The following SYNE2 variants were observed in gnomAD, a reference collection of about 807,000 sequenced individuals.
SYNE2 encodes nesprin-2.
In SYNE2, 431 loss-of-function variants were observed where a neutral mutation model predicts 856.3. The observed-to-expected ratio is 0.50, with a 90% confidence interval of 0.47 to 0.55. The LOEUF (loss-of-function observed/expected upper bound fraction) is 0.55, where lower values mean the gene tolerates loss of function less well. Among genes scored for constraint, SYNE2 ranks in the 20% least tolerant of loss-of-function variants. The pLI, the probability that SYNE2 is intolerant of heterozygous loss-of-function variation, is 0.00. For synonymous variants in SYNE2, 2,923 were observed against 2,872.3 expected (o/e 1.02, Z -0.56); for missense variants, 8,129 against 8,023.2 (o/e 1.01, Z -0.50).
intron 61 of SYNE2, chr14:64,094,906 G>T (rs1329640051): frequency 6.0e-6 from 1 of 167,434 alleles, no homozygotes; most frequent in African/African-American, 2.4e-5. Context: ...TAGAGATGAG[G>T]TCTCACTGTG....
intron 2 of SYNE2, among the ~76,000 whole-genome samples, chr14:63,929,139 G>T (rs2095710991): frequency 2.0e-5 from 3 of 152,108 alleles, no homozygotes; most frequent in Admixed American, 2.0e-4. Context: ...TGGGCTCCTA[G>T]ATAGCTTCAG....
At chr14:64,110,306 A>G (rs893722802) in intron 65 of SYNE2, among the ~76,000 whole-genome samples, 2 of 152,140 alleles carry the variant, frequency 1.3e-5, no homozygotes, top group Admixed American at 6.5e-5. Flanking sequence ...GATTACTTAG[A>G]TCAGTGTTGT....
intron 6 of SYNE2, among the ~76,000 whole-genome samples, chr14:63,948,146 TACACACACAG>T (rs1159104296): frequency 8.4e-6 from 1 of 119,738 alleles, no homozygotes; most frequent in African/African-American, 3.4e-5. Flanking sequence ...TGCGCGCACA[TACACACACAG>T]ACACACACAT....
chr14:63,793,896 G>C (rs906777475), intron 1 of SYNE2, among the ~76,000 whole-genome samples: 1 of 151,626 alleles, frequency 6.6e-6, no homozygotes. Flanking sequence ...CCATGATCAT[G>C]CCACTGCACT....
Position 64,163,649 on chromosome 14 carries a change from C to A in SYNE2, c.16479+68C>A, listed in dbSNP as rs181893669. 1.4e-4 allele frequency: 225 copies of A among 1,585,614 alleles called. 2 individuals carry two copies. In the East Asian group the frequency reaches 2.4e-3, roughly 17 times the overall value. Reference sequence around the variant, plus strand: ...GCATTCCATCCTCAATCCCTTGTATCCTTTGAAGCAGTAGTGCTTTACGGG... The same window carrying A: ...GCATTCCATCCTCAATCCCTTGTATACTTTGAAGCAGTAGTGCTTTACGGG... On this transcript the variant is annotated intron_variant, in intron 89 of 115. Coordinates refer to ENST00000555002, the MANE Select transcript of SYNE2 (RefSeq NM_182914.3).
intron 1 of SYNE2, among the ~76,000 whole-genome samples, chr14:63,824,271 C>T (rs1165307396): frequency 6.6e-6 from 1 of 150,782 alleles, no homozygotes; most frequent in Non-Finnish European, 1.5e-5. Flanking sequence ...ACTTGAGCTC[C>T]AGGGCTCAAG....
rs139826953 is a variant in SYNE2 at position 64,220,443 on chromosome 14, C to G, written c.19867C>G (p.Leu6623Val). ...ELRVKRLQEI[L>V]KAFDTYKALV... ...TCTTTTCTCTCTCTGGTAGGAGATA[C>G]TGAAAGCCTTTGACACTTACAAGGC... is the stretch of plus-strand genomic sequence containing the variant. The change falls in exon 111 of 116, where the codon CTG becomes GTG. Residue 6623 changes from leucine (L) to valine (V), a missense_variant. Around this residue, in one of 3 missense-constraint regions of SYNE2, gnomAD observed 5,410 missense variants for 5,284.8 expected, o/e 1.02. Transcript: ENST00000555002. 1 of 1,614,206 alleles carries G rather than the reference C, an allele frequency of 6.2e-7. No homozygotes were observed. Among genetic ancestry groups the G allele is most frequent in the South Asian group, 1.1e-5 (1 of 91,082 alleles).
chr14:64,051,481 C>A, intron 47 of SYNE2, 76 bp from the exon 48 acceptor site: 1 of 1,346,202 alleles, frequency 7.4e-7, no homozygotes, highest in Non-Finnish European at 1.0e-6. Flanking sequence ...TTAATTTCTT[C>A]TAATGATATT....
At chr14:63,918,973 T>G (rs956595542) in intron 2 of SYNE2, among the ~76,000 whole-genome samples, 4 of 152,210 alleles carry the variant, frequency 2.6e-5, no homozygotes, top group African/African-American at 9.6e-5. Context: ...TCTGAATGCT[T>G]TGTCGGCAAA....
upstream of SYNE2, among the ~76,000 whole-genome samples, chr14:63,848,034 T>C (rs1472521612): frequency 1.3e-5 from 2 of 151,988 alleles, no homozygotes; most frequent in African/African-American, 2.4e-5. Context: ...TTACAGGCGC[T>C]CACCACCATG....
chr14:64,101,474 T>G (rs1412240463), intron 63 of SYNE2, among the ~76,000 whole-genome samples: 1 of 152,182 alleles, frequency 6.6e-6, no homozygotes, highest in Non-Finnish European at 1.5e-5. Context: ...TATTTAGAGA[T>G]GGGATCTCAC....
intron 1 of SYNE2, among the ~76,000 whole-genome samples, chr14:63,894,238 C>CTTTTTTT: frequency 7.0e-6 from 1 of 143,022 alleles, no homozygotes; most frequent in African/African-American, 2.6e-5. Flanking sequence ...GGGCATTGTT[C>CTTTTTTT]CTGTGCCCAG....
At chr14:64,142,157 A>T (rs1238777809) in intron 82 of SYNE2, 69 bp downstream of exon 82, 6 of 1,555,064 alleles carry the variant, frequency 3.9e-6, no homozygotes, top group Non-Finnish European at 5.3e-6. Context: ...GTAATGCTGG[A>T]CAAAGGGACA....
intron 78 of SYNE2, among the ~76,000 whole-genome samples, chr14:64,137,421 T>C (rs950553363): frequency 8.5e-5 from 13 of 152,170 alleles, no homozygotes; most frequent in African/African-American, 3.1e-4. Context: ...AGCTAATTTT[T>C]TGTATTTTTA....
At chr14:63,993,627 A>C (rs2096687016) in intron 21 of SYNE2, among the ~76,000 whole-genome samples, 1 of 152,108 alleles carries the variant, frequency 6.6e-6, no homozygotes, top group Non-Finnish European at 1.5e-5. Flanking sequence ...ATATTTTGGC[A>C]CTCTTTTGAA....
Position 64,212,877 on chromosome 14 carries a change from C to G in SYNE2, c.18928C>G (p.Leu6310Val), listed in dbSNP as rs751926905. 6.2e-7 allele frequency: 1 copy of G among 1,614,184 alleles called. No homozygotes were observed. The highest frequency in any genetic ancestry group is 1.1e-5 in the South Asian group (1 of 91,082). ...TCAGCTCATTGTGTTTGGGGAGCAG[C>G]TGATTCAGAAGAGCGAGCCCCTGGA... is the stretch of plus-strand genomic sequence containing the variant. ...IDQLIVFGEQ[L>V]IQKSEPLDAV... The change falls in exon 105 of 116, where the codon CTG becomes GTG. Residue 6310 changes from leucine to valine, a missense_variant. By Grantham distance (32) the Leu-to-Val change is conservative (BLOSUM62 1). This residue lies in a region of SYNE2 where 5,410 missense variants were observed against 5,284.8 expected (regional missense o/e 1.02). Coordinates refer to ENST00000555002, the MANE Select transcript of SYNE2 (RefSeq NM_182914.3).
At chr14:63,950,136 C>A in intron 7 of SYNE2, 130 bp downstream of exon 7, 1 of 1,094,572 alleles carries the variant, frequency 9.1e-7, no homozygotes, top group Non-Finnish European at 1.4e-6. Flanking sequence ...TGTGCTTCTT[C>A]CATACGTGGA....
At chr14:64,046,868 A>C (rs2097189982) in intron 45 of SYNE2, among the ~76,000 whole-genome samples, 1 of 152,148 alleles carries the variant, frequency 6.6e-6, no homozygotes, top group South Asian at 2.1e-4. Context: ...CCTTGAGGGG[A>C]ATGCAGTGGC....
intron 1 of SYNE2, among the ~76,000 whole-genome samples, chr14:63,876,584 T>C (rs1237507363): frequency 6.6e-6 from 1 of 151,610 alleles, no homozygotes; most frequent in African/African-American, 2.4e-5. Flanking sequence ...GCCTCCCAGG[T>C]TCATGCCATT....
Sources: gnomAD v4.1 joint callset for allele counts (sites outside exome capture counted in the v4.1 genomes callset) on GRCh38, gnomAD v4.1.1 for gene constraint, gnomAD v4.1.1 regional missense constraint, MANE v1.5 for transcripts, NCBI Gene and HGNC (gene_info 2026-07-23, HGNC 2026-07-21) for gene names.